Variants in NEBL observed in about 807,000 individuals in gnomAD.
NEBL encodes LIM and SH3 protein 2.
NEBL carries 122 observed loss-of-function variants against 140.2 expected under a neutral mutation model. The observed-to-expected ratio is 0.87, with a 90% CI of 0.75 to 1.01. The LOEUF (loss-of-function observed/expected upper bound fraction) is 1.01. Ranked by LOEUF, NEBL falls within the 50% of genes least tolerant of loss-of-function variation. The pLI is 0.00. For missense variants in NEBL, 1,365 were observed against 1,231.3 expected, an observed-to-expected ratio of 1.11 and a Z score of -1.62; for synonymous variants, 436 against 398.9, an observed-to-expected ratio of 1.09 and a Z score of -1.11.
intron 2 of NEBL, among the ~76,000 whole-genome samples, chr10:21,165,859 C>T (rs1840739798): frequency 6.6e-6 from 1 of 152,134 alleles, no homozygotes; most frequent in Non-Finnish European, 1.5e-5. Flanking sequence ...TATTGCATGT[C>T]ATTGTACGTT....
intron 1 of NEBL, among the ~76,000 whole-genome samples, chr10:21,252,935 A>T (rs770800222): frequency 6.6e-6 from 1 of 152,096 alleles, no homozygotes; most frequent in Non-Finnish European, 1.5e-5. Context: ...AGCCGGGGCA[A>T]CAAGAGAGAA....
chr10:20,785,472 G>A lies in NEBL; in HGVS notation c.*275C>T. 1 of 475,816 alleles carries A rather than the reference G, an allele frequency of 2.1e-6. No homozygotes were observed. The highest frequency in any genetic ancestry group is 3.8e-6 in the Non-Finnish European group (1 of 260,278). The allele number at this position is 475,816 out of a possible 1,614,324, so 29.5% of individuals were successfully genotyped here. A position where few individuals can be genotyped will look rare whatever the true frequency, so the allele number is the denominator to read the frequency against. On this transcript the variant is annotated 3_prime_UTR_variant, in exon 28 of 28. Coordinates refer to ENST00000377122, the MANE Select transcript of NEBL (RefSeq NM_006393.3). ...AAAGTCTACAAAAATACATTTCCCA[G>A]AAGGGTTCAATAGCCAATCAAAGGA...
intron 25 of NEBL, among the ~76,000 whole-genome samples, chr10:20,809,255 C>G (rs940813768): frequency 2.6e-5 from 4 of 152,102 alleles, no homozygotes; most frequent in Non-Finnish European, 5.9e-5. Flanking sequence ...ATCATTCGTA[C>G]CCCAACTATT....
chr10:21,045,228 G>A (rs1190711684), intron 2 of NEBL, among the ~76,000 whole-genome samples: 1 of 152,088 alleles, frequency 6.6e-6, no homozygotes, highest in African/African-American at 2.4e-5. Context: ...TAAATTAATA[G>A]AATCAAAAGA....
At chr10:20,800,867 T>TA (rs1389477478) in intron 26 of NEBL, among the ~76,000 whole-genome samples, 1 of 152,104 alleles carries the variant, frequency 6.6e-6, no homozygotes, top group East Asian at 1.9e-4. Flanking sequence ...AGGAATGGAT[T>TA]AAACCTCCAA....
chr10:21,053,236 A>G (rs1834856120), intron 2 of NEBL, among the ~76,000 whole-genome samples: 1 of 152,206 alleles, frequency 6.6e-6, no homozygotes, highest in African/African-American at 2.4e-5. Flanking sequence ...AGCATATACA[A>G]TGTAAGATTT....
rs115611462 is a variant in NEBL, at chr10:21,203,255, A to G, written n.349-30778T>C. Among the ~76,000 whole-genome samples the G allele has an allele frequency of 5.3e-5, 8 of 152,280 alleles. No homozygotes were observed. The East Asian group carries it at 1.5e-3, about 29-fold the overall frequency. ...CACCAAATCATCTCTCTCTCTCCCA[A>G]GACGTTCTCTGTACAGTCATTTCCC... On this transcript the variant is annotated intron_variant and non_coding_transcript_variant, in intron 3 of 8. Transcript: ENST00000675702.
At chr10:21,070,578 C>A (rs572178356) in intron 2 of NEBL, among the ~76,000 whole-genome samples, 1 of 152,134 alleles carries the variant, frequency 6.6e-6, no homozygotes, top group Non-Finnish European at 1.5e-5. Flanking sequence ...GGACAGATAA[C>A]CTAAGTGGGC....
chr10:20,886,201 G>T lies in NEBL; in HGVS notation c.369+1896C>A, dbSNP rs116466623. 8.6e-3 allele frequency among the ~76,000 whole-genome samples: 1,313 copies of T among 152,114 alleles called. 19 individuals carry two copies. The highest frequency in any genetic ancestry group is 0.03 in the African/African-American group (1,241 of 41,468). ...ACTTAAAAAAAATTTTTTTTAATAA[G>T]ATTATCTAGGTATCTCTACTTAAAA... On this transcript the variant is annotated intron_variant, in intron 4 of 27. Transcript: ENST00000377122.
intron 3 of NEBL, among the ~76,000 whole-genome samples, chr10:20,976,998 G>A (rs1052121670): frequency 6.6e-6 from 1 of 151,480 alleles, no homozygotes; most frequent in African/African-American, 2.4e-5. Flanking sequence ...AAAACACTAG[G>A]CTTTCTGTAA....
In NEBL at chr10:21,097,225, G is replaced by C. The variant is rs867621680; in HGVS notation, c.164+75158C>G. 6.0e-5 allele frequency among the ~76,000 whole-genome samples: 9 copies of C among 149,144 alleles called. 2 individuals are homozygous for C. Among genetic ancestry groups the C allele is most frequent in the African/African-American group, 1.3e-4 (5 of 39,838 alleles). On this transcript the variant is annotated intron_variant, in intron 2 of 6. Coordinates refer to the NEBL transcript ENST00000417816. ...CCCAGCACTTTGGGAGGTCCGGGGGGGGGGTGGGGCAGATCACAAGGTCAG... is the reference window on the plus strand; with the variant it reads ...CCCAGCACTTTGGGAGGTCCGGGGGCGGGGTGGGGCAGATCACAAGGTCAG...
At chr10:21,067,456 A>G (rs991721052) in intron 2 of NEBL, among the ~76,000 whole-genome samples, 4 of 152,208 alleles carry the variant, frequency 2.6e-5, no homozygotes, top group Non-Finnish European at 4.4e-5. Context: ...CTTTCTTTAT[A>G]TCATAAAAAA....
intron 3 of NEBL, among the ~76,000 whole-genome samples, chr10:21,208,800 TG>T (rs147678560): frequency 0.016 from 2,500 of 152,100 alleles, 73 homozygotes; most frequent in African/African-American, 0.056. Context: ...CCCACTTAAC[TG>T]CAGGGGCCTG....
intron 3 of NEBL, among the ~76,000 whole-genome samples, chr10:21,204,487 T>A (rs1841795046): frequency 6.6e-6 from 1 of 151,942 alleles, no homozygotes; most frequent in Admixed American, 6.5e-5. Flanking sequence ...ACAGACCATA[T>A]AAAGATACAG....
intron 3 of NEBL, among the ~76,000 whole-genome samples, chr10:21,234,105 T>C (rs76685198): frequency 1.4e-5 from 2 of 139,922 alleles, no homozygotes; most frequent in South Asian, 2.8e-4. Flanking sequence ...TGGACTGGAC[T>C]GGACTGGACT....
intron 3 of NEBL, among the ~76,000 whole-genome samples, chr10:21,016,532 T>C (rs1308480566): frequency 6.6e-6 from 1 of 152,140 alleles, no homozygotes; most frequent in Non-Finnish European, 1.5e-5. Flanking sequence ...AATTGGAAAA[T>C]ATATTTCGAT....
At chr10:21,012,877 C>A (rs1344181265) in intron 3 of NEBL, among the ~76,000 whole-genome samples, 2 of 152,098 alleles carry the variant, frequency 1.3e-5, no homozygotes, top group African/African-American at 4.8e-5. Context: ...AGGAAGGAAT[C>A]AAAGGACCAA....
At chr10:21,075,414 G>A (rs974956028) in intron 2 of NEBL, among the ~76,000 whole-genome samples, 1 of 152,062 alleles carries the variant, frequency 6.6e-6, no homozygotes. Context: ...GAAACAACAC[G>A]ACCTAAGAGG....
intron 3 of NEBL, among the ~76,000 whole-genome samples, chr10:21,216,135 C>G (rs1020571692): frequency 6.6e-6 from 1 of 152,124 alleles, no homozygotes. Flanking sequence ...CTGCTGAAAC[C>G]CATCCTACGT....
Sources: gnomAD v4.1 joint callset for allele counts (sites outside exome capture counted in the v4.1 genomes callset) on GRCh38, gnomAD v4.1.1 for gene constraint, MANE v1.5 for transcripts, NCBI Gene and HGNC (gene_info 2026-07-23, HGNC 2026-07-21) for gene names.